The following FPGS variants were observed in gnomAD, a reference collection of about 807,000 sequenced individuals.
FPGS encodes folylpolyglutamate synthase, also known as folylpolyglutamate synthase, mitochondrial.
Under a neutral mutation model 66.5 loss-of-function variants are expected in FPGS, and 53 were observed. The ratio of observed to expected loss-of-function variants is 0.80; its 90% CI spans 0.64 to 1.00. FPGS has a LOEUF of 1.00. Among genes scored for constraint, FPGS ranks in the 50% least tolerant of loss-of-function variants. The pLI, the probability that FPGS is intolerant of heterozygous loss-of-function variation, is 0.00. For missense variants in FPGS, 702 were observed against 807.7 expected (o/e 0.87, Z 1.59); for synonymous variants, 348 against 350.9 (o/e 0.99, Z 0.09).
rs1830201660 is a variant in FPGS, at chr9:127,813,886, C to A, written c.*282C>A. The A allele has an allele frequency of 1.7e-6, 2 of 1,201,336 alleles. No homozygotes were observed. Among genetic ancestry groups the A allele is most frequent in the Non-Finnish European group, 2.1e-6 (2 of 968,788 alleles). The allele number at this position is 1,201,336 out of a possible 1,614,324, so 74.4% of individuals were successfully genotyped here. ...GTCTCCCCCAACACCCCGCCTGCCT[C>A]CTGGCTCAGGCCCAGCTTATTGTGT... On this transcript the variant is annotated 3_prime_UTR_variant, in exon 15 of 15. Coordinates refer to ENST00000373247, the MANE Select transcript of FPGS (RefSeq NM_004957.6).
intron 9 of FPGS, 23 bp from the exon 10 acceptor site, chr9:127,808,535 C>A: frequency 6.2e-7 from 1 of 1,611,518 alleles, no homozygotes; most frequent in Non-Finnish European, 8.5e-7. Flanking sequence ...CTCTGCTGAC[C>A]CGCTCCTGCC....
chr9:127,809,875 G>T, intron 12 of FPGS, 41 bp downstream of exon 12: 1 of 1,311,516 alleles, frequency 7.6e-7, no homozygotes, highest in South Asian at 1.4e-5. Flanking sequence ...GCTGGCCCAC[G>T]AGGAGGGGCG....
At position 127,808,702 on chromosome 9, in the gene FPGS, C is replaced by T; in HGVS notation, c.967C>T (p.His323Tyr). 6.3e-7 allele frequency: 1 copy of T among 1,584,232 alleles called. No individual in the cohort carries two copies. Among genetic ancestry groups the T allele is most frequent in the East Asian group, 2.3e-5 (1 of 43,310 alleles). Residue 323 changes from histidine to tyrosine, a missense_variant, in exon 10 of 15, where the codon CAT (histidine) becomes TAT (tyrosine). His to Tyr is a moderately conservative substitution (Grantham distance 83). Around this residue, in one of 3 missense-constraint regions of FPGS, gnomAD observed 351 missense variants for 363.7 expected, o/e 0.97. Transcript: ENST00000373247. Reference protein sequence around the residue: ...AHCWLQRQDRHGAGEPKASRP... With the variant: ...AHCWLQRQDRYGAGEPKASRP... ...CTGCTGGCTGCAGCGGCAGGACCGC[C>T]ATGGTGAGTGGGCAGCTGAGTGGGC...
At chr9:127,811,863 T>C (rs1436891691) in intron 14 of FPGS, among the ~76,000 whole-genome samples, 1 of 152,072 alleles carries the variant, frequency 6.6e-6, no homozygotes, top group East Asian at 1.9e-4. Flanking sequence ...GTAGGTCCTG[T>C]TTGGTGAAGA....
At chr9:127,803,502 T>TCTCCCCCAAATCCA in intron 1 of FPGS, 3 of 776,480 alleles carry the variant, frequency 3.9e-6, no homozygotes, top group Non-Finnish European at 4.7e-6. Context: ...TCCAAGTGCC[T>TCTCCCCCAAATCCA]GGATTTGGGG....
intron 4 of FPGS, 64 bp downstream of exon 4, chr9:127,804,764 G>A (rs1829744914): frequency 1.9e-6 from 3 of 1,552,240 alleles, no homozygotes; most frequent in Non-Finnish European, 1.8e-6. Flanking sequence ...TATGGAACCA[G>A]CCAGTGCTTC....
intron 14 of FPGS, among the ~76,000 whole-genome samples, chr9:127,811,494 A>G (rs1235629721): frequency 6.6e-6 from 1 of 151,134 alleles, no homozygotes; most frequent in Non-Finnish European, 1.5e-5. Context: ...AAAAAAAAAA[A>G]TTAATTTTTG....
In FPGS at chr9:127,807,078, G is replaced by C. The variant is rs1588554736; in HGVS notation, c.492G>C (p.Glu164Asp). 6.2e-7 allele frequency: 1 copy of C among 1,614,128 alleles called. No homozygotes were observed. The highest frequency in any genetic ancestry group is 2.2e-5 in the East Asian group (1 of 44,870). The change falls in exon 5 of 15, where the codon GAG (glutamate) becomes GAC (aspartate). Residue 164 changes from glutamate to aspartate, a missense_variant. Physicochemically the swap from Glu to Asp is conservative, Grantham distance 45. This residue lies in a region of FPGS where 240 missense variants were observed against 348.6 expected (regional missense o/e 0.69). Coordinates refer to ENST00000373247, the MANE Select transcript of FPGS (RefSeq NM_004957.6). The surrounding 1 kb of genome is among the most constrained non-coding windows in gnomAD (Gnocchi z 5.8). ...TCTGGCGCCTCTACCACCGGCTGGA[G>C]GAGACCAAGGTGCCGCATGCAGGAG... ...KYFWRLYHRL[E>D]ETKDGSCVSM...
intron 4 of FPGS, chr9:127,806,686 G>T: frequency 2.2e-6 from 1 of 453,246 alleles, no homozygotes; most frequent in Non-Finnish European, 4.1e-6. Context: ...TGACTGATTG[G>T]TATGGGACTG....
chr9:127,805,328 G>A (rs186987712), intron 4 of FPGS, among the ~76,000 whole-genome samples: 1,748 of 152,168 alleles, frequency 0.011, 16 homozygotes, highest in Non-Finnish European at 0.015. Flanking sequence ...AGGATCACCT[G>A]AGTCTGGGGA....
intron 14 of FPGS, among the ~76,000 whole-genome samples, chr9:127,812,001 T>G (rs137916861): frequency 7.6e-4 from 115 of 151,588 alleles, no homozygotes; most frequent in African/African-American, 2.6e-3. Flanking sequence ...AGGCTGGACT[T>G]GGTGGCTCAC....
chr9:127,812,080 T>C (rs1313585401), intron 14 of FPGS, among the ~76,000 whole-genome samples: 1 of 149,598 alleles, frequency 6.7e-6, no homozygotes, highest in African/African-American at 2.6e-5. Context: ...ACCTCATCTC[T>C]ATAAAAAAAA....
At position 127,808,312 on chromosome 9, in the gene FPGS, G is replaced by C; in HGVS notation, c.822+1G>C. The C allele has an allele frequency of 6.2e-7, 1 of 1,613,632 alleles. No individual in the cohort carries two copies. The highest frequency in any genetic ancestry group is 8.5e-7 in the Non-Finnish European group (1 of 1,179,534). Reference sequence around the variant, plus strand: ...GAGGGACCGAGCCCAGCAGATCTCAGTAAGTCTGATTGGAATGGGGCAGCG... The same window carrying C: ...GAGGGACCGAGCCCAGCAGATCTCACTAAGTCTGATTGGAATGGGGCAGCG... On this transcript the variant is annotated splice_donor_variant, in intron 9 of 14. Coordinates refer to ENST00000373247, the MANE Select transcript of FPGS (RefSeq NM_004957.6). LOFTEE classifies it high-confidence loss of function.
At chr9:127,808,946 A>AT (rs543518198) in intron 11 of FPGS, 57 bp downstream of exon 11, 35,528 of 885,458 alleles carry the variant, frequency 0.04, 693 homozygotes, top group African/African-American at 0.17. Context: ...GCCCCTTCAG[A>AT]TTTTTTTTTT....
In FPGS at chr9:127,814,037, A is replaced by C; in HGVS notation, c.*433A>C. 1 of 1,004,804 alleles carries C rather than the reference A, an allele frequency of 1.0e-6. No homozygotes were observed. The highest frequency in any genetic ancestry group is 6.0e-5 in the Admixed American group (1 of 16,790). The allele number at this position is 1,004,804 out of a possible 1,614,324, so 62.2% of individuals were successfully genotyped here. A position where few individuals can be genotyped will look rare whatever the true frequency, so the allele number is the denominator to read the frequency against. On this transcript the variant is annotated 3_prime_UTR_variant, in exon 15 of 15. Transcript: ENST00000373247. Reference sequence around the variant, plus strand: ...GCGGGACAGAGGGTGGCTGGAGTGAATTAAAGCCTTTGTTTTTTAAAGAAA... The same window carrying C: ...GCGGGACAGAGGGTGGCTGGAGTGACTTAAAGCCTTTGTTTTTTAAAGAAA...
chr9:127,803,074 G>A lies in FPGS; in HGVS notation c.138+12G>A. The A allele has an allele frequency of 1.5e-6, 2 of 1,374,464 alleles. No homozygotes were observed. The highest frequency in any genetic ancestry group is 1.7e-5 in the South Asian group (1 of 60,238). 85.1% of individuals were successfully genotyped at this position (1,374,464 alleles called of 1,614,324 possible). On this transcript the variant is annotated intron_variant, in intron 1 of 14. Transcript: ENST00000373247. ...GCATGGAGTACCAGGTATCAGGCGG[G>A]CCAGCGGGCCAGCGGGCCTGGGCGC...
At chr9:127,810,808 CTTGG>C (rs1830041811) in intron 13 of FPGS, 133 bp from the exon 14 acceptor site, 8 of 549,154 alleles carry the variant, frequency 1.5e-5, no homozygotes, top group Non-Finnish European at 2.3e-5. Context: ...GCTGAAGTAC[CTTGG>C]CTAGGTTTAT....
chr9:127,803,378 A>C, intron 1 of FPGS: 1 of 1,112,804 alleles, frequency 9.0e-7, no homozygotes, highest in Non-Finnish European at 1.1e-6. Flanking sequence ...CCGGAGTCTG[A>C]ACCGGCAGTG....
intron 8 of FPGS, 28 bp from the exon 9 acceptor site, chr9:127,808,206 C>T (rs370634067): frequency 1.3e-6 from 2 of 1,578,314 alleles, no homozygotes; most frequent in Non-Finnish European, 1.7e-6. Context: ...GCTAGGTAGC[C>T]CTTTCTCTCT....
Sources: gnomAD v4.1 joint callset for allele counts (sites outside exome capture counted in the v4.1 genomes callset) on GRCh38, gnomAD v4.1.1 for gene constraint, gnomAD v4.1.1 regional missense constraint, Gnocchi (gnomAD v3.1) non-coding constraint, MANE v1.5 for transcripts, NCBI Gene and HGNC (gene_info 2026-07-23, HGNC 2026-07-21) for gene names.